LIN28B: variants seen among roughly 807,000 people sequenced by gnomAD.
LIN28B encodes the protein protein lin-28 homolog B.
Under a neutral mutation model 21.9 loss-of-function variants are expected in LIN28B, and 5 were observed. The observed-to-expected ratio is 0.23, with a 90% CI of 0.12 to 0.48. The LOEUF (loss-of-function observed/expected upper bound fraction) is 0.48. LIN28B is among the 20% of genes least tolerant of loss of function. The probability of loss-of-function intolerance (pLI) is 0.98; values close to 1 mark genes in which losing one functional copy is unlikely to be tolerated. For missense variants in LIN28B, 245 were observed against 310.5 expected, an observed-to-expected ratio of 0.79 and a Z score of 1.58; for synonymous variants, 109 against 111.3, an observed-to-expected ratio of 0.98 and a Z score of 0.13.
intron 2 of LIN28B, among the ~76,000 whole-genome samples, chr6:105,010,753 T>A (rs1770906105): frequency 6.6e-6 from 1 of 152,194 alleles, no homozygotes; most frequent in Non-Finnish European, 1.5e-5. Context: ...AAATTGTAAG[T>A]GCACCATTCA....
intron 3 of LIN28B, among the ~76,000 whole-genome samples, chr6:105,069,622 T>C (rs1399707253): frequency 6.6e-6 from 1 of 151,384 alleles, no homozygotes; most frequent in Non-Finnish European, 1.5e-5. Context: ...TCCCAGCTAC[T>C]GAGGGATGCT....
chr6:105,048,029 G>A (rs912509021), intron 3 of LIN28B, among the ~76,000 whole-genome samples: 1 of 152,160 alleles, frequency 6.6e-6, no homozygotes, highest in African/African-American at 2.4e-5. Flanking sequence ...CTGCCTGATT[G>A]CCTTGGCCAG....
intron 2 of LIN28B, among the ~76,000 whole-genome samples, chr6:104,968,379 T>C (rs759897768): frequency 5.9e-5 from 9 of 152,228 alleles, no homozygotes; most frequent in Non-Finnish European, 8.8e-5. Context: ...TATTAAAATA[T>C]GTTTTTCACA....
chr6:105,022,405 C>A (rs1771159080), intron 2 of LIN28B, among the ~76,000 whole-genome samples: 2 of 152,092 alleles, frequency 1.3e-5, no homozygotes, highest in African/African-American at 4.8e-5. Flanking sequence ...GGAAATTGTA[C>A]ATTTTTAGGC....
chr6:104,979,455 C>T (rs544968163), intron 2 of LIN28B, among the ~76,000 whole-genome samples: 16 of 152,174 alleles, frequency 1.1e-4, no homozygotes, highest in South Asian at 1.0e-3. Flanking sequence ...GTCATCCACC[C>T]GCCTTGGCCT....
chr6:105,058,763 T>G (rs1225875222), intron 3 of LIN28B, among the ~76,000 whole-genome samples: 1 of 152,252 alleles, frequency 6.6e-6, no homozygotes, highest in Non-Finnish European at 1.5e-5. Flanking sequence ...TTATGTTATA[T>G]ATAATGTCAT....
intron 3 of LIN28B, among the ~76,000 whole-genome samples, chr6:105,033,659 G>A (rs1392090681): frequency 6.6e-6 from 1 of 151,742 alleles, no homozygotes; most frequent in African/African-American, 2.4e-5. Flanking sequence ...TACAAAAAGA[G>A]TAAAGAAATT....
chr6:105,048,298 T>A (rs1771815031), intron 3 of LIN28B, among the ~76,000 whole-genome samples: 1 of 152,246 alleles, frequency 6.6e-6, no homozygotes, highest in African/African-American at 2.4e-5. Flanking sequence ...TGTCTTTGGT[T>A]CTGTTTATAT....
intron 3 of LIN28B, among the ~76,000 whole-genome samples, chr6:105,029,508 A>G (rs1387561277): frequency 6.6e-6 from 1 of 152,078 alleles, no homozygotes; most frequent in Non-Finnish European, 1.5e-5. Flanking sequence ...ATAAGGCGAG[A>G]TTTCTCTTTT....
At chr6:105,025,881 C>A (rs1454131937) in intron 2 of LIN28B, among the ~76,000 whole-genome samples, 1 of 151,662 alleles carries the variant, frequency 6.6e-6, no homozygotes, top group Non-Finnish European at 1.5e-5. Context: ...TAAAACTTCT[C>A]TTAATGGCTT....
chr6:105,059,040 T>C (rs1210934341), intron 3 of LIN28B, among the ~76,000 whole-genome samples: 4 of 152,168 alleles, frequency 2.6e-5, no homozygotes, highest in South Asian at 4.1e-4. Flanking sequence ...ACTGGCGCTA[T>C]GGTTTAATTT....
At position 105,078,884 on chromosome 6, in the gene LIN28B, T is replaced by G; in HGVS notation, c.*101T>G. 2 of 1,345,600 alleles carry G rather than the reference T, an allele frequency of 1.5e-6. No individual in the cohort carries two copies. The highest frequency in any genetic ancestry group is 2.0e-6 in the Non-Finnish European group (2 of 987,390). The allele number at this position is 1,345,600 out of a possible 1,614,324, so 83.4% of individuals were successfully genotyped here. The stretch of plus-strand genomic sequence containing the variant: ...CACAAGCAGTAGCTGACCTGGGATT[T>G]TAACTACTATTGGGGAACTGTGAAT... On this transcript the variant is annotated 3_prime_UTR_variant, in exon 4 of 4. Transcript: ENST00000345080.
intron 3 of LIN28B, among the ~76,000 whole-genome samples, chr6:105,056,442 AG>A (rs1772025622): frequency 6.6e-6 from 1 of 152,100 alleles, no homozygotes; most frequent in African/African-American, 2.4e-5. Context: ...ATGCAGTCCT[AG>A]GGTACATAGA....
intron 3 of LIN28B, among the ~76,000 whole-genome samples, chr6:105,047,380 C>T (rs429113): frequency 0.94 from 143,546 of 151,974 alleles, 67,814 homozygotes; most frequent in East Asian, 0.99. Context: ...GGTCTGTATC[C>T]CTGTTTTGGT....
At chr6:104,953,798 C>T (rs1778251074), upstream of LIN28B, among the ~76,000 whole-genome samples, 1 of 152,112 alleles carries the variant, frequency 6.6e-6, no homozygotes, top group Non-Finnish European at 1.5e-5. Flanking sequence ...GCCTTATTTG[C>T]GGGGAGGAGA....
chr6:105,072,690 C>T (rs890669528), intron 3 of LIN28B, among the ~76,000 whole-genome samples: 1 of 152,036 alleles, frequency 6.6e-6, no homozygotes, highest in African/African-American at 2.4e-5. Context: ...GGAAAACATA[C>T]TTAAATAAAA....
At chr6:104,950,309 T>C (rs1463377316) in intron 2 of LIN28B, among the ~76,000 whole-genome samples, 1 of 152,122 alleles carries the variant, frequency 6.6e-6, no homozygotes, top group African/African-American at 2.4e-5. Context: ...CTAATTTTGC[T>C]AGGTGAGTCT....
intron 3 of LIN28B, among the ~76,000 whole-genome samples, chr6:105,041,077 AT>A (rs113960302): frequency 2.3e-3 from 322 of 140,560 alleles, no homozygotes; most frequent in Non-Finnish European, 1.8e-3. Context: ...ACAACCAATA[AT>A]TTTTTTTTTT....
At chr6:105,066,950 T>C (rs1424787950) in intron 3 of LIN28B, among the ~76,000 whole-genome samples, 1 of 151,694 alleles carries the variant, frequency 6.6e-6, no homozygotes, top group Non-Finnish European at 1.5e-5. Flanking sequence ...TTTATAAGAG[T>C]TGACACAAAG....
Sources: allele counts gnomAD v4.1 joint callset (sites outside exome capture counted in the v4.1 genomes callset), GRCh38; gene constraint gnomAD v4.1.1; transcripts MANE v1.5; gene names NCBI Gene and HGNC (gene_info 2026-07-23, HGNC 2026-07-21).